The following KCNAB2 variants were observed in gnomAD, a reference collection of about 807,000 sequenced individuals.
KCNAB2 encodes the protein voltage-gated potassium channel subunit beta-2.
Under a neutral mutation model 63.6 loss-of-function variants are expected in KCNAB2, and 29 were observed. That is an observed-to-expected ratio of 0.46 (90% CI 0.34 to 0.62). The LOEUF (loss-of-function observed/expected upper bound fraction) is 0.62. KCNAB2 is among the 20% of genes least tolerant of loss of function. The pLI is 0.01. For synonymous variants in KCNAB2, 222 were observed against 224.2 expected (o/e 0.99, Z 0.09); for missense variants, 359 against 563.9 (o/e 0.64, Z 3.68).
intron 5 of KCNAB2, among the ~76,000 whole-genome samples, chr1:6,084,582 A>G (rs3789537): frequency 0.017 from 2,611 of 152,216 alleles, 72 homozygotes; most frequent in East Asian, 0.13. Context: ...TTGGGAGGCC[A>G]CAGTGGGCGG....
At chr1:6,061,489 CAG>C (rs1662313186) in intron 2 of KCNAB2, among the ~76,000 whole-genome samples, 1 of 152,248 alleles carries the variant, frequency 6.6e-6, no homozygotes, top group Non-Finnish European at 1.5e-5. Flanking sequence ...TGGCTGGTAA[CAG>C]AGCAGGCCTC....
chr1:6,044,994 G>A (rs974422322), upstream of KCNAB2, among the ~76,000 whole-genome samples: 7 of 152,126 alleles, frequency 4.6e-5, no homozygotes, highest in South Asian at 6.2e-4. Context: ...CAGGCCCCCC[G>A]ACCAGGGCGA....
rs867982199 is a variant in KCNAB2, at chr1:6,071,849, G to A, written c.219-906G>A. 8.6e-5 allele frequency among the ~76,000 whole-genome samples: 13 copies of A among 150,416 alleles called. No individual in the cohort carries two copies. The South Asian group carries it at 1.9e-3, about 22-fold the overall frequency. ...TGCCGCATAGGGCACCTCCTGCCGCGAGGGCACCTCCTGCCGCGTGGGCTC... is the reference window on the plus strand; with the variant it reads ...TGCCGCATAGGGCACCTCCTGCCGCAAGGGCACCTCCTGCCGCGTGGGCTC... On this transcript the variant is annotated intron_variant, in intron 2 of 15. Transcript: ENST00000378083. The surrounding 1 kb of genome is among the most constrained non-coding windows in gnomAD (Gnocchi z 8.5).
At chr1:6,032,573 TA>T (rs35229378), upstream of KCNAB2, among the ~76,000 whole-genome samples, 110 of 134,400 alleles carry the variant, frequency 8.2e-4, no homozygotes, top group African/African-American at 1.1e-3. Flanking sequence ...GAGACTCTGT[TA>T]AAAAAAAAAA....
chr1:6,003,770 G>A lies in KCNAB2; in HGVS notation c.-53+10982G>A, dbSNP rs113789891. Among the ~76,000 whole-genome samples the A allele has an allele frequency of 0.028, 4,326 of 152,228 alleles. 215 individuals are homozygous for A. The highest frequency in any genetic ancestry group is 0.098 in the African/African-American group (4,050 of 41,506). On this transcript the variant is annotated intron_variant, in intron 1 of 16. Coordinates refer to the KCNAB2 transcript ENST00000341524. The surrounding 1 kb of genome is among the most constrained non-coding windows in gnomAD (Gnocchi z 4.1). ...CTCGTCGTCGTTTCACCGCAACCTC[G>A]CCAGCAATGAGTATTTTCATTTAAA...
At chr1:6,077,259 G>C (rs770300530) in intron 4 of KCNAB2, among the ~76,000 whole-genome samples, 3 of 152,190 alleles carry the variant, frequency 2.0e-5, no homozygotes, top group Admixed American at 6.5e-5. Context: ...AATGCAGCCA[G>C]CATAGACAGC....
intron 8 of KCNAB2, among the ~76,000 whole-genome samples, chr1:6,089,457 C>CG (rs1310295391): frequency 2.0e-5 from 3 of 152,254 alleles, no homozygotes; most frequent in African/African-American, 7.2e-5. Flanking sequence ...GCTCAGCACT[C>CG]GCAGGCACCG....
chr1:6,073,935 A>G lies in KCNAB2; in HGVS notation c.300+165A>G. ...GGCGCCCTGCCCCAGGGGAGAGTAG[A>G]AAGGTGAGCCAGGTGGCCATGGCCA... On this transcript the variant is annotated intron_variant, in intron 4 of 15. Coordinates refer to ENST00000378083, the MANE Select transcript of KCNAB2 (RefSeq NM_001199862.2). The surrounding 1 kb of genome is among the most constrained non-coding windows in gnomAD (Gnocchi z 5.7). 1.5e-6 allele frequency: 1 copy of G among 675,916 alleles called. No homozygotes were observed. Among genetic ancestry groups the G allele is most frequent in the Admixed American group, 2.5e-5 (1 of 40,688 alleles). 41.9% of individuals were successfully genotyped at this position (675,916 alleles called of 1,614,324 possible). A position where few individuals can be genotyped will look rare whatever the true frequency, so the allele number is the denominator to read the frequency against.
intron 1 of KCNAB2, among the ~76,000 whole-genome samples, chr1:6,007,880 G>T (rs1218984177): frequency 6.6e-6 from 1 of 152,184 alleles, no homozygotes; most frequent in Non-Finnish European, 1.5e-5. Context: ...TCTCTCCCTG[G>T]CACTGCAGCC....
chr1:6,066,131 C>T (rs1294788351), intron 2 of KCNAB2, among the ~76,000 whole-genome samples: 3 of 152,304 alleles, frequency 2.0e-5, no homozygotes, highest in South Asian at 2.1e-4. Context: ...TCGGCTGGGC[C>T]GACCGGCGGC....
At position 6,066,890 on chromosome 1, in the gene KCNAB2, C is replaced by A. The variant is rs189949248; in HGVS notation, c.219-5865C>A. Among the ~76,000 whole-genome samples the A allele has an allele frequency of 2.8e-3, 427 of 152,376 alleles. 2 individuals carry two copies. Among genetic ancestry groups the A allele is most frequent in the Non-Finnish European group, 5.2e-3 (351 of 68,036 alleles). ...AGTTTCCCGATGGTCAGCCCAGGCA[C>A]CTTGCTTCCCTCCACCCGGGCTCAG... is the stretch of plus-strand genomic sequence containing the variant. On this transcript the variant is annotated intron_variant, in intron 2 of 15. Transcript: ENST00000378083.
chr1:6,014,874 CAG>C (rs1177718463), intron 1 of KCNAB2, among the ~76,000 whole-genome samples: 2 of 152,190 alleles, frequency 1.3e-5, no homozygotes, highest in East Asian at 1.9e-4. Flanking sequence ...CTTCCAGACT[CAG>C]AGTGTCCCCA....
At chr1:6,031,435 C>G (rs78883546), upstream of KCNAB2, among the ~76,000 whole-genome samples, 2,798 of 152,322 alleles carry the variant, frequency 0.018, 88 homozygotes, top group African/African-American at 0.064. This position sits in a 1 kb window ranked among gnomAD's most constrained non-coding sequence, Gnocchi z 4.1. Flanking sequence ...TCCCAGGCCC[C>G]CCATTCTGCA....
upstream of KCNAB2, chr1:6,041,610 C>T (rs1035057232): frequency 1.6e-5 from 9 of 565,456 alleles, no homozygotes; most frequent in African/African-American, 1.1e-4. Flanking sequence ...AAACTGGCTC[C>T]GGGTCTCTGC....
At chr1:6,067,509 C>CGTGTCATCTA (rs1275936075) in intron 2 of KCNAB2, among the ~76,000 whole-genome samples, 1 of 152,200 alleles carries the variant, frequency 6.6e-6, no homozygotes, top group Admixed American at 6.5e-5. Flanking sequence ...GTGTGAAAAC[C>CGTGTCATCTA]GTGTCATCTA....
chr1:6,084,263 G>A (rs1571067837), intron 5 of KCNAB2, among the ~76,000 whole-genome samples: 1 of 152,192 alleles, frequency 6.6e-6, no homozygotes. Flanking sequence ...TGGGACGGCC[G>A]CCCATGCCCC....
rs144038305 is a variant in KCNAB2 at position 6,085,294 on chromosome 1, CG to C, written c.425+47del. The C allele has an allele frequency of 9.4e-4, 1,473 of 1,563,064 alleles. 15 individuals carry two copies. In the African/African-American group the frequency reaches 0.018, roughly 19 times the overall value. On this transcript the variant is annotated intron_variant, in intron 6 of 15. Coordinates refer to ENST00000378083, the MANE Select transcript of KCNAB2 (RefSeq NM_001199862.2). Reference sequence around the variant, plus strand: ...GGCCTGTCCCTGGGGTGGGTGCGGGCGAACTATCCCAGGGTCAGCCTCGTCG... The same window carrying C: ...GGCCTGTCCCTGGGGTGGGTGCGGGCAACTATCCCAGGGTCAGCCTCGTCG...
At chr1:6,020,446 C>T (rs1215839015) in intron 1 of KCNAB2, among the ~76,000 whole-genome samples, 1 of 152,082 alleles carries the variant, frequency 6.6e-6, no homozygotes, top group Non-Finnish European at 1.5e-5. Flanking sequence ...CTGCTGAAAA[C>T]AGAAGCAGAA....
intron 1 of KCNAB2, among the ~76,000 whole-genome samples, chr1:6,048,108 CTTCCA>C (rs1661082335): frequency 6.6e-6 from 1 of 152,244 alleles, no homozygotes; most frequent in Admixed American, 6.5e-5. Flanking sequence ...CAAACTCAGC[CTTCCA>C]CCATCTTGTT....
Sources: allele counts gnomAD v4.1 joint callset (sites outside exome capture counted in the v4.1 genomes callset), GRCh38; gene constraint gnomAD v4.1.1; non-coding constraint Gnocchi (gnomAD v3.1); transcripts MANE v1.5; gene names NCBI Gene and HGNC (gene_info 2026-07-23, HGNC 2026-07-21).